The following RORA variants were observed in gnomAD, a reference collection of about 807,000 sequenced individuals.
The protein encoded by RORA is nuclear receptor ROR-alpha.
RORA carries 7 observed loss-of-function variants against 69.5 expected under a neutral mutation model. That is an observed-to-expected ratio of 0.10 (90% CI 0.06 to 0.19). The LOEUF is 0.19. Ranked by LOEUF, RORA falls within the 10% of genes least tolerant of loss-of-function variation. The probability of loss-of-function intolerance (pLI) is 1.00; values close to 1 mark genes in which losing one functional copy is unlikely to be tolerated. For missense variants in RORA, 457 were observed against 663.0 expected, an observed-to-expected ratio of 0.69 and a Z score of 3.41; for synonymous variants, 261 against 240.8, an observed-to-expected ratio of 1.08 and a Z score of -0.78.
chr15:60,589,389 A>G (rs1265735155), intron 2 of RORA, among the ~76,000 whole-genome samples: 1 of 152,180 alleles, frequency 6.6e-6, no homozygotes, highest in Non-Finnish European at 1.5e-5. Context: ...TTATAACTCC[A>G]TTTGCACAAA....
At chr15:60,919,814 T>C (rs942626388) in intron 1 of RORA, among the ~76,000 whole-genome samples, 15 of 152,246 alleles carry the variant, frequency 9.9e-5, no homozygotes, top group African/African-American at 3.6e-4. Context: ...TCTGCTTTTG[T>C]TTTATATATT....
intron 1 of RORA, among the ~76,000 whole-genome samples, chr15:60,744,629 A>C (rs955321270): frequency 6.6e-6 from 1 of 152,156 alleles, no homozygotes; most frequent in Non-Finnish European, 1.5e-5. Flanking sequence ...TTCCATGAGA[A>C]TCAAGTAAGA....
intron 1 of RORA, among the ~76,000 whole-genome samples, chr15:61,132,282 T>A (rs927633069): frequency 6.6e-6 from 1 of 151,190 alleles, no homozygotes; most frequent in African/African-American, 2.4e-5. Context: ...ATTATTAGGT[T>A]TTTTTTTTAT....
At chr15:60,826,292 A>G (rs544486054) in intron 1 of RORA, among the ~76,000 whole-genome samples, 10 of 152,376 alleles carry the variant, frequency 6.6e-5, no homozygotes, top group Admixed American at 6.5e-4. Flanking sequence ...ATGAATGAAC[A>G]AACCAGAAAT....
chr15:60,660,855 C>G (rs544516280), intron 2 of RORA, among the ~76,000 whole-genome samples: 18 of 152,274 alleles, frequency 1.2e-4, no homozygotes, highest in Non-Finnish European at 2.5e-4. Flanking sequence ...ATAAAGTAGG[C>G]AAGTCCTTAT....
chr15:60,632,551 T>C (rs148804707), intron 2 of RORA, among the ~76,000 whole-genome samples: 130 of 152,340 alleles, frequency 8.5e-4, no homozygotes, highest in African/African-American at 2.9e-3. Flanking sequence ...GGGCATACTT[T>C]TATTCATTGT....
intron 2 of RORA, among the ~76,000 whole-genome samples, chr15:60,578,895 C>T (rs1178290702): frequency 6.6e-6 from 1 of 151,694 alleles, no homozygotes; most frequent in East Asian, 1.9e-4. Context: ...TCCTGAGTAG[C>T]TGGGACTACA....
In RORA at chr15:60,716,451, A is replaced by G. The variant is rs534358034; in HGVS notation, c.167-37765T>C. Among the ~76,000 whole-genome samples, 7 of 152,308 alleles carry G rather than the reference A, an allele frequency of 4.6e-5. No homozygotes were observed. The East Asian group carries it at 1.2e-3, about 25-fold the overall frequency. ...GCAAACTTGGGTTTGAATTTCATCA[A>G]TACCACTTACAGGCCAGGTAATTCT... is the stretch of plus-strand genomic sequence containing the variant. On this transcript the variant is annotated intron_variant, in intron 1 of 10. Coordinates refer to ENST00000335670, the MANE Select transcript of RORA (RefSeq NM_134261.3).
At chr15:60,689,395 T>A (rs553123137) in intron 1 of RORA, among the ~76,000 whole-genome samples, 1 of 152,334 alleles carries the variant, frequency 6.6e-6, no homozygotes, top group African/African-American at 2.4e-5. Flanking sequence ...TGGGTTCTTT[T>A]GGAGATTGAC....
intron 1 of RORA, among the ~76,000 whole-genome samples, chr15:61,143,434 G>A (rs890373011): frequency 6.6e-6 from 1 of 152,090 alleles, no homozygotes; most frequent in African/African-American, 2.4e-5. Flanking sequence ...TTTGAAACTT[G>A]GAATGTTAAT....
intron 1 of RORA, among the ~76,000 whole-genome samples, chr15:61,178,907 G>A (rs1020188769): frequency 1.3e-5 from 2 of 152,122 alleles, no homozygotes; most frequent in East Asian, 1.9e-4. Context: ...AAAATGTATT[G>A]CTATATCTAA....
chr15:61,137,933 A>G (rs1184192467), intron 1 of RORA, among the ~76,000 whole-genome samples: 1 of 152,222 alleles, frequency 6.6e-6, no homozygotes, highest in African/African-American at 2.4e-5. Context: ...TATAAATTGG[A>G]AAGTTATTGT....
At chr15:61,169,252 A>C (rs4775367) in intron 1 of RORA, among the ~76,000 whole-genome samples, 9 of 150,608 alleles carry the variant, frequency 6.0e-5, no homozygotes, top group Admixed American at 4.6e-4. Flanking sequence ...TTGCACTCTT[A>C]CAGCCCTGTA....
At chr15:61,046,424 C>A (rs961795915) in intron 1 of RORA, among the ~76,000 whole-genome samples, 2 of 152,114 alleles carry the variant, frequency 1.3e-5, no homozygotes, top group Non-Finnish European at 2.9e-5. Flanking sequence ...TTCTATTAGC[C>A]AATAAGCCTC....
At chr15:60,920,591 T>C (rs1892012155) in intron 1 of RORA, among the ~76,000 whole-genome samples, 1 of 152,142 alleles carries the variant, frequency 6.6e-6, no homozygotes, top group Admixed American at 6.5e-5. Context: ...CAGATGTGGA[T>C]TACCACATAC....
intron 1 of RORA, among the ~76,000 whole-genome samples, chr15:61,054,933 CTCAA>C (rs1427347257): frequency 1.3e-5 from 2 of 151,394 alleles, no homozygotes; most frequent in Non-Finnish European, 2.9e-5. Flanking sequence ...ACCTCCTGAG[CTCAA>C]TCAATCCTCC....
intron 1 of RORA, among the ~76,000 whole-genome samples, chr15:60,902,161 T>C (rs1396162893): frequency 6.6e-6 from 1 of 152,262 alleles, no homozygotes; most frequent in Non-Finnish European, 1.5e-5. Flanking sequence ...AATTCCATTC[T>C]TCAGCCATTG....
chr15:60,591,101 G>GT (rs1254757615), intron 2 of RORA, among the ~76,000 whole-genome samples: 1 of 152,188 alleles, frequency 6.6e-6, no homozygotes, highest in Admixed American at 6.5e-5. Context: ...ACTAGCAAAC[G>GT]TTTAACAGGC....
At chr15:60,566,059 A>C (rs1296859214) in intron 2 of RORA, among the ~76,000 whole-genome samples, 1 of 152,240 alleles carries the variant, frequency 6.6e-6, no homozygotes, top group Non-Finnish European at 1.5e-5. Flanking sequence ...GGTATCAAGG[A>C]AAGTCTTCCT....
Sources: gnomAD v4.1 joint callset for allele counts (sites outside exome capture counted in the v4.1 genomes callset) on GRCh38, gnomAD v4.1.1 for gene constraint, MANE v1.5 for transcripts, NCBI Gene and HGNC (gene_info 2026-07-23, HGNC 2026-07-21) for gene names.